Variants in B3GAT2 observed in about 807,000 individuals in gnomAD.
The protein encoded by B3GAT2 is beta-1,3-glucuronyltransferase 2, also known as galactosylgalactosylxylosylprotein 3-beta-glucuronosyltransferase 2.
B3GAT2 carries 26 observed loss-of-function variants against 27.8 expected under a neutral mutation model. The ratio of observed to expected loss-of-function variants is 0.93; its 90% CI spans 0.68 to 1.30. B3GAT2 has a LOEUF of 1.30. Among genes scored for constraint, B3GAT2 ranks in the 50% most tolerant of loss-of-function variants. The pLI is 0.00. For missense variants in B3GAT2, 458 were observed against 459.0 expected (o/e 1.00, Z 0.02); for synonymous variants, 218 against 195.1 (o/e 1.12, Z -0.98).
chr6:70,940,055 A>T (rs1765363637), intron 1 of B3GAT2, among the ~76,000 whole-genome samples: 1 of 152,034 alleles, frequency 6.6e-6, no homozygotes, highest in Admixed American at 6.6e-5. Context: ...AGAAACTGAA[A>T]TGGAGGGTAC....
chr6:70,940,126 C>T (rs1765364665), intron 1 of B3GAT2, among the ~76,000 whole-genome samples: 1 of 151,934 alleles, frequency 6.6e-6, no homozygotes, highest in South Asian at 2.1e-4. Flanking sequence ...GAAGGGGCAA[C>T]CACATAGGTA....
intron 1 of B3GAT2, among the ~76,000 whole-genome samples, chr6:70,945,261 G>T (rs886268701): frequency 7.9e-5 from 12 of 152,158 alleles, no homozygotes; most frequent in Admixed American, 7.2e-4. Context: ...GGCTTCAGAC[G>T]TTCAAACTAC....
At chr6:70,944,960 CAG>C (rs1765455415) in intron 1 of B3GAT2, among the ~76,000 whole-genome samples, 1 of 152,204 alleles carries the variant, frequency 6.6e-6, no homozygotes, top group Non-Finnish European at 1.5e-5. Flanking sequence ...ACCAGGCAAA[CAG>C]GGTCTGGAGT....
At chr6:70,864,919 C>G (rs987171604) in intron 2 of B3GAT2, among the ~76,000 whole-genome samples, 2 of 151,858 alleles carry the variant, frequency 1.3e-5, no homozygotes, top group African/African-American at 2.4e-5. Flanking sequence ...GTAGGATTTT[C>G]TGCCCTGGTC....
At chr6:70,923,078 A>C (rs2150042694) in intron 1 of B3GAT2, among the ~76,000 whole-genome samples, 1 of 152,316 alleles carries the variant, frequency 6.6e-6, no homozygotes, top group Admixed American at 6.5e-5. Flanking sequence ...ATAAATAAGT[A>C]CCATATAAGT....
chr6:70,891,134 C>A (rs1450812256), intron 2 of B3GAT2, among the ~76,000 whole-genome samples: 1 of 152,156 alleles, frequency 6.6e-6, no homozygotes, highest in East Asian at 1.9e-4. Flanking sequence ...TTTAGCCAAT[C>A]CTCAGATTCC....
At chr6:70,887,477 G>A (rs537532406) in intron 2 of B3GAT2, among the ~76,000 whole-genome samples, 1 of 152,204 alleles carries the variant, frequency 6.6e-6, no homozygotes, top group East Asian at 1.9e-4. Context: ...AACTTGTAGC[G>A]GGGACAGCTG....
At chr6:70,950,275 G>A (rs1325454653) in intron 1 of B3GAT2, among the ~76,000 whole-genome samples, 2 of 129,394 alleles carry the variant, frequency 1.5e-5, no homozygotes, top group East Asian at 2.2e-4. Context: ...AGCTAATAAA[G>A]TACATTTTCT....
At chr6:70,877,482 C>G (rs1028378872) in intron 2 of B3GAT2, among the ~76,000 whole-genome samples, 2 of 152,178 alleles carry the variant, frequency 1.3e-5, no homozygotes, top group African/African-American at 4.8e-5. Context: ...AAGTCCTGGT[C>G]TTAAGTACCT....
chr6:70,867,525 T>G (rs1238158128), intron 2 of B3GAT2, among the ~76,000 whole-genome samples: 1 of 152,120 alleles, frequency 6.6e-6, no homozygotes, highest in African/African-American at 2.4e-5. Flanking sequence ...TATGGGGCTA[T>G]TATAAGCAAC....
chr6:70,906,319 C>T (rs961496859), intron 1 of B3GAT2, among the ~76,000 whole-genome samples: 2 of 152,114 alleles, frequency 1.3e-5, no homozygotes, highest in East Asian at 1.9e-4. Context: ...CGACCACACA[C>T]ATACCTAGAG....
intron 2 of B3GAT2, among the ~76,000 whole-genome samples, chr6:70,882,180 A>ATGAC (rs1272656165): frequency 4.6e-5 from 7 of 152,190 alleles, no homozygotes; most frequent in Admixed American, 3.9e-4. Flanking sequence ...CTTCTTAGAT[A>ATGAC]TGACACCAAA....
intron 2 of B3GAT2, among the ~76,000 whole-genome samples, chr6:70,877,471 C>A (rs1772033830): frequency 6.6e-6 from 1 of 152,200 alleles, no homozygotes; most frequent in Admixed American, 6.5e-5. Flanking sequence ...CTCTTACCAT[C>A]AAGTCCTGGT....
At position 70,857,642 on chromosome 6, in the gene B3GAT2, T is replaced by C; in HGVS notation, c.*4021A>G. ...AAACAGTGTATGATGTCATGCTACA[T>C]AGTTTGGTCTTCACAGTGGAAGATA... On this transcript the variant is annotated 3_prime_UTR_variant, in exon 4 of 4. Transcript: ENST00000230053. The C allele has an allele frequency of 2.4e-6, 1 of 421,938 alleles. No homozygotes were observed. Among genetic ancestry groups the C allele is most frequent in the Non-Finnish European group, 4.3e-6 (1 of 229,998 alleles). 26.1% of individuals were successfully genotyped at this position (421,938 alleles called of 1,614,324 possible).
intron 1 of B3GAT2, among the ~76,000 whole-genome samples, chr6:70,917,642 A>T (rs1344415613): frequency 6.6e-6 from 1 of 152,112 alleles, no homozygotes; most frequent in Non-Finnish European, 1.5e-5. Flanking sequence ...TTATGCCTTC[A>T]TTTCGTTATT....
chr6:70,858,141 C>A lies in B3GAT2; in HGVS notation c.*3522G>T, dbSNP rs17853561. The stretch of plus-strand genomic sequence containing the variant: ...CCACTTCCTCAGAACGTTGTTGGCC[C>A]CCAAGGAGGAATGGTGGGACAAATG... On this transcript the variant is annotated 3_prime_UTR_variant, in exon 4 of 4. Coordinates refer to ENST00000230053, the MANE Select transcript of B3GAT2 (RefSeq NM_080742.3). 2 of 1,613,956 alleles carry A rather than the reference C, an allele frequency of 1.2e-6. No homozygotes were observed. The highest frequency in any genetic ancestry group is 8.5e-7 in the Non-Finnish European group (1 of 1,179,988).
At chr6:70,886,608 C>T (rs1446465797) in intron 2 of B3GAT2, among the ~76,000 whole-genome samples, 1 of 152,092 alleles carries the variant, frequency 6.6e-6, no homozygotes, top group African/African-American at 2.4e-5. Context: ...AGAGCCCTCC[C>T]TCTCCACGTC....
At chr6:70,896,145 G>A (rs979197941) in intron 1 of B3GAT2, among the ~76,000 whole-genome samples, 3 of 152,118 alleles carry the variant, frequency 2.0e-5, no homozygotes, top group African/African-American at 4.8e-5. Flanking sequence ...ATCATTGTAC[G>A]CCTGTGACTA....
chr6:70,929,064 C>T (rs2150044975), intron 1 of B3GAT2, among the ~76,000 whole-genome samples: 1 of 152,232 alleles, frequency 6.6e-6, no homozygotes, highest in Non-Finnish European at 1.5e-5. Flanking sequence ...TTTGTAGGGA[C>T]ATGGATGAAG....
Sources: allele counts gnomAD v4.1 joint callset (sites outside exome capture counted in the v4.1 genomes callset), GRCh38; gene constraint gnomAD v4.1.1; transcripts MANE v1.5; gene names NCBI Gene and HGNC (gene_info 2026-07-23, HGNC 2026-07-21).